Variants in PRSS48 observed in about 807,000 individuals in gnomAD.
PRSS48 encodes the protein serine protease 48.
In PRSS48, 21 loss-of-function variants were observed where a neutral mutation model predicts 25.6. That is an observed-to-expected ratio of 0.82 (90% CI 0.58 to 1.18). The LOEUF (loss-of-function observed/expected upper bound fraction) is 1.18. Ranked by LOEUF, PRSS48 falls within the 50% of genes most tolerant of loss-of-function variation. The pLI is 0.00. For missense variants in PRSS48, 373 were observed against 399.3 expected (o/e 0.93, Z 0.56); for synonymous variants, 150 against 149.3 (o/e 1.00, Z -0.04).
At chr4:151,282,471 A>T in intron 3 of PRSS48, 58 bp downstream of exon 3, 1 of 1,572,012 alleles carries the variant, frequency 6.4e-7, no homozygotes, top group Non-Finnish European at 8.7e-7. Context: ...ACTCCAGAAC[A>T]TTCATATTCT....
intron 4 of PRSS48, among the ~76,000 whole-genome samples, chr4:151,286,621 G>A (rs1401335883): frequency 8.8e-5 from 13 of 147,694 alleles, no homozygotes; most frequent in South Asian, 4.3e-4. Context: ...AAAAAACTAC[G>A]AAGAAATAAA....
chr4:151,289,469 A>T (rs1264705185), intron 4 of PRSS48, among the ~76,000 whole-genome samples: 3 of 152,234 alleles, frequency 2.0e-5, no homozygotes, highest in Non-Finnish European at 4.4e-5. Context: ...AATATTTGCA[A>T]ATCATATATG....
intron 3 of PRSS48, among the ~76,000 whole-genome samples, chr4:151,282,913 A>C (rs935130221): frequency 1.3e-5 from 2 of 152,182 alleles, no homozygotes; most frequent in African/African-American, 4.8e-5. Context: ...TTAAAAAAAA[A>C]CCTCAAAGAA....
At chr4:151,281,668 G>C in intron 2 of PRSS48, among the ~76,000 whole-genome samples, 1 of 150,906 alleles carries the variant, frequency 6.6e-6, no homozygotes, top group Non-Finnish European at 1.5e-5. Flanking sequence ...CAGAGAACTT[G>C]TTATTTATTT....
At chr4:151,291,131 G>C in exon 5 of PRSS48, 6 of 1,610,982 alleles carry the variant, frequency 3.7e-6, no homozygotes, top group Non-Finnish European at 5.1e-6. Context: ...GATTCTGGAG[G>C]GCCTCTGTCG....
At chr4:151,279,135 C>A in intron 1 of PRSS48, 1 of 435,134 alleles carries the variant, frequency 2.3e-6, no homozygotes, top group East Asian at 7.4e-5. Flanking sequence ...AGGCCAGCAC[C>A]CTGCAGCAGC....
intron 4 of PRSS48, among the ~76,000 whole-genome samples, chr4:151,288,655 C>A (rs971414647): frequency 3.3e-5 from 5 of 150,692 alleles, no homozygotes; most frequent in African/African-American, 1.2e-4. Context: ...GGCGGGGCAA[C>A]GAAGCGAGAC....
intron 3 of PRSS48, among the ~76,000 whole-genome samples, chr4:151,282,764 T>C (rs1774375546): frequency 2.0e-5 from 3 of 151,314 alleles, no homozygotes. Context: ...TTTCCCAGGT[T>C]GGAGTAGACA....
downstream of PRSS48, chr4:151,291,522 T>C: frequency 8.4e-7 from 1 of 1,189,600 alleles, no homozygotes; most frequent in South Asian, 1.6e-5. Context: ...GTTTTTAAGG[T>C]TTTTGATTTT....
At chr4:151,280,049 T>G in intron 2 of PRSS48, 91 bp downstream of exon 2, 1 of 712,336 alleles carries the variant, frequency 1.4e-6, no homozygotes, top group South Asian at 2.4e-5. Context: ...ATGAAAGTGG[T>G]AAAATAGGCA....
chr4:151,283,270 T>G, exon 4 of PRSS48: 1 of 1,613,616 alleles, frequency 6.2e-7, no homozygotes, highest in Non-Finnish European at 8.5e-7. Context: ...ACTCAAAACA[T>G]GAAGGATAGT....
At position 151,279,918 on chromosome 4, in the gene PRSS48, A is replaced by G. The variant is rs1433367220; in HGVS notation, c.175A>G (p.Ser59Gly). The change falls in exon 2 of 5, where the codon AGT becomes GGT. Residue 59 changes from serine to glycine, a missense_variant. Transcript: ENST00000455694. ...CTTTATCTGTGGAGGTTCCCTCGTC[A>G]GTGAGAGGTTGATACTGACAGCAGC... The G allele has an allele frequency of 1.9e-6, 3 of 1,613,592 alleles. No individual in the cohort carries two copies. The African/African-American group carries it at 4.0e-5, about 22-fold the overall frequency.
At chr4:151,284,168 C>A (rs1381467712) in intron 4 of PRSS48, among the ~76,000 whole-genome samples, 1 of 152,160 alleles carries the variant, frequency 6.6e-6, no homozygotes, top group East Asian at 1.9e-4. Context: ...AAAAACTATT[C>A]TGCCTCATTT....
exon 1 of PRSS48, chr4:151,277,178 C>T: frequency 1.3e-6 from 2 of 1,486,832 alleles, no homozygotes; most frequent in Admixed American, 1.9e-5. Flanking sequence ...GAGACATGGG[C>T]CCTGCTGGCT....
At chr4:151,289,589 T>A (rs1469640100) in intron 4 of PRSS48, among the ~76,000 whole-genome samples, 1 of 152,170 alleles carries the variant, frequency 6.6e-6, no homozygotes, top group Non-Finnish European at 1.5e-5. Flanking sequence ...GATATACAAA[T>A]GTCCAACTGG....
At chr4:151,279,821 C>G in exon 2 of PRSS48, 1 of 1,613,882 alleles carries the variant, frequency 6.2e-7, no homozygotes, top group Non-Finnish European at 8.5e-7. Context: ...TATACTCCAG[C>G]CGCGTTGTAG....
Position 151,286,146 on chromosome 4 carries a change from G to A in PRSS48, c.651+2860G>A, listed in dbSNP as rs189819251. ...CAGTGAGCTATATTTGCACCACTGTGCTCCAGGCTGGGTGACACAGTGAGA... is the reference window on the plus strand; with the variant it reads ...CAGTGAGCTATATTTGCACCACTGTACTCCAGGCTGGGTGACACAGTGAGA... On this transcript the variant is annotated intron_variant, in intron 4 of 4. Transcript: ENST00000455694. Among the ~76,000 whole-genome samples, 38 of 134,392 alleles carry A rather than the reference G, an allele frequency of 2.8e-4. No homozygotes were observed. The South Asian group carries it at 3.9e-3, about 14-fold the overall frequency. The allele number at this position is 134,392 out of a possible 152,430, so 88.2% of individuals were successfully genotyped here.
exon 4 of PRSS48, chr4:151,283,281 T>G: frequency 6.2e-7 from 1 of 1,613,520 alleles, no homozygotes; most frequent in Non-Finnish European, 8.5e-7. Context: ...GAAGGATAGT[T>G]GCAAGGTCAG....
chr4:151,285,099 T>A (rs1044171639), intron 4 of PRSS48, among the ~76,000 whole-genome samples: 1 of 151,832 alleles, frequency 6.6e-6, no homozygotes, highest in Admixed American at 6.6e-5. Flanking sequence ...AGCCACTTTT[T>A]AAAAAAAAGA....
Sources: allele counts gnomAD v4.1 joint callset (sites outside exome capture counted in the v4.1 genomes callset), GRCh38; gene constraint gnomAD v4.1.1; transcripts MANE v1.5; gene names NCBI Gene and HGNC (gene_info 2026-07-23, HGNC 2026-07-21).